The following RBMS3 variants were observed in gnomAD, a reference collection of about 807,000 sequenced individuals.
RBMS3 encodes RNA binding motif single stranded interacting protein 3.
A neutral mutation model predicts 66.8 loss-of-function variants in RBMS3; 27 were observed. That is an observed-to-expected ratio of 0.40 (90% CI 0.30 to 0.56). The LOEUF is 0.56. RBMS3 is among the 20% of genes least tolerant of loss of function. RBMS3 has a pLI of 0.40. For missense variants in RBMS3, 513 were observed against 549.5 expected, an observed-to-expected ratio of 0.93 and a Z score of 0.66; for synonymous variants, 188 against 183.0, an observed-to-expected ratio of 1.03 and a Z score of -0.22.
intron 4 of RBMS3, among the ~76,000 whole-genome samples, chr3:29,704,516 C>A (rs1559589008): frequency 6.6e-6 from 1 of 152,162 alleles, no homozygotes; most frequent in Non-Finnish European, 1.5e-5. Context: ...TTGGGCAAAT[C>A]ACTTAACCTC....
chr3:29,624,660 T>C (rs148292167), intron 4 of RBMS3, among the ~76,000 whole-genome samples: 1 of 152,302 alleles, frequency 6.6e-6, no homozygotes, highest in Non-Finnish European at 1.5e-5. Flanking sequence ...ATGTTTCTCA[T>C]AGTTATATAC....
intron 4 of RBMS3, among the ~76,000 whole-genome samples, chr3:29,639,558 A>G (rs2049609907): frequency 6.6e-6 from 1 of 151,012 alleles, no homozygotes. Context: ...GGCAAAAACC[A>G]GAATATACAC....
At chr3:29,358,606 G>A (rs1051074320) in intron 1 of RBMS3, among the ~76,000 whole-genome samples, 39 of 152,114 alleles carry the variant, frequency 2.6e-4, no homozygotes, top group African/African-American at 9.2e-4. Flanking sequence ...GCTTGATGGG[G>A]ATGGCATTGA....
intron 1 of RBMS3, among the ~76,000 whole-genome samples, chr3:29,346,579 T>C (rs952774517): frequency 2.0e-5 from 3 of 151,854 alleles, no homozygotes; most frequent in African/African-American, 7.3e-5. Flanking sequence ...AATTTTTGTA[T>C]TTTTAGTAGA....
At chr3:29,600,327 T>G (rs538775283) in intron 4 of RBMS3, among the ~76,000 whole-genome samples, 39 of 152,082 alleles carry the variant, frequency 2.6e-4, no homozygotes, top group African/African-American at 9.2e-4. Context: ...GGCTTGGTGC[T>G]CTCCTAACAG....
chr3:29,849,137 C>T (rs1034597384), intron 6 of RBMS3, among the ~76,000 whole-genome samples: 4 of 151,550 alleles, frequency 2.6e-5, no homozygotes, highest in Non-Finnish European at 4.4e-5. Context: ...TATGCACATA[C>T]AAATACACCA....
intron 13 of RBMS3, among the ~76,000 whole-genome samples, 168 bp downstream of exon 13, chr3:29,988,391 T>C (rs1042014147): frequency 6.6e-6 from 1 of 152,280 alleles, no homozygotes. Flanking sequence ...TGAATGTGGC[T>C]GTGTTTTGCT....
chr3:29,592,479 A>C (rs1462450949), intron 4 of RBMS3, among the ~76,000 whole-genome samples: 1 of 152,202 alleles, frequency 6.6e-6, no homozygotes. Context: ...CACCAGTTAG[A>C]ATGGCAATTA....
At chr3:29,781,786 G>A (rs1392960849) in intron 6 of RBMS3, among the ~76,000 whole-genome samples, 5 of 152,074 alleles carry the variant, frequency 3.3e-5, no homozygotes, top group Non-Finnish European at 4.4e-5. Flanking sequence ...CAGTGCTGTT[G>A]TGGGGGCACA....
chr3:29,758,441 C>G (rs949111770), intron 5 of RBMS3, among the ~76,000 whole-genome samples: 1 of 152,160 alleles, frequency 6.6e-6, no homozygotes, highest in Non-Finnish European at 1.5e-5. Context: ...TTATGTGACT[C>G]TCAAACTCTG....
At chr3:29,709,732 G>A (rs9862829) in intron 4 of RBMS3, among the ~76,000 whole-genome samples, 2 of 151,898 alleles carry the variant, frequency 1.3e-5, no homozygotes, top group East Asian at 3.9e-4. Context: ...TGAATGCAAA[G>A]GCCTATATAA....
rs151276643 is a variant in RBMS3 at position 29,991,293 on chromosome 3, C to T, written c.1307+84C>T. ...CTCATGTTGTATGTGTTAGCTTTTG[C>T]TGAAATATAAACCATCCCAAACTTA... On this transcript the variant is annotated intron_variant, in intron 14 of 14. Coordinates refer to ENST00000383767, the MANE Select transcript of RBMS3 (RefSeq NM_001003793.3). 67 of 1,585,668 alleles carry T rather than the reference C, an allele frequency of 4.2e-5. 2 individuals carry two copies. The South Asian group carries it at 7.2e-4, about 17-fold the overall frequency.
intron 4 of RBMS3, among the ~76,000 whole-genome samples, chr3:29,651,064 T>G (rs139153750): frequency 1.3e-5 from 2 of 152,204 alleles, no homozygotes; most frequent in Non-Finnish European, 2.9e-5. Context: ...ATTTATTACT[T>G]TATCAAACCA....
intron 6 of RBMS3, among the ~76,000 whole-genome samples, chr3:29,807,055 G>A (rs1033983247): frequency 5.3e-5 from 8 of 151,772 alleles, no homozygotes; most frequent in Non-Finnish European, 1.0e-4. Context: ...GAAAATATAT[G>A]CTTCAATTTA....
At chr3:29,517,040 G>A (rs1239857431) in intron 3 of RBMS3, among the ~76,000 whole-genome samples, 2 of 151,738 alleles carry the variant, frequency 1.3e-5, no homozygotes, top group Admixed American at 6.6e-5. Context: ...TAGTGAAACC[G>A]ATCTCTACTA....
At chr3:29,305,154 A>T (rs2033924908) in intron 1 of RBMS3, among the ~76,000 whole-genome samples, 1 of 151,860 alleles carries the variant, frequency 6.6e-6, no homozygotes, top group Non-Finnish European at 1.5e-5. Context: ...CCCAATCTTA[A>T]CATAGATGAT....
intron 1 of RBMS3, among the ~76,000 whole-genome samples, chr3:29,316,185 C>T (rs749699287): frequency 6.0e-4 from 91 of 151,694 alleles, no homozygotes; most frequent in Non-Finnish European, 6.8e-4. Context: ...AGATATCAGA[C>T]ATGTGACTCT....
At chr3:29,704,957 G>C (rs781565414) in intron 4 of RBMS3, among the ~76,000 whole-genome samples, 13 of 152,184 alleles carry the variant, frequency 8.5e-5, no homozygotes, top group Admixed American at 2.0e-4. Flanking sequence ...ATGTTGTCAA[G>C]ATATCTTGTC....
intron 4 of RBMS3, among the ~76,000 whole-genome samples, chr3:29,660,109 A>G (rs979066991): frequency 6.6e-5 from 10 of 152,116 alleles, no homozygotes; most frequent in Admixed American, 5.9e-4. Flanking sequence ...ATTTTTTTAT[A>G]ATTCCCTTTT....
Sources: allele counts gnomAD v4.1 joint callset (sites outside exome capture counted in the v4.1 genomes callset), GRCh38; gene constraint gnomAD v4.1.1; transcripts MANE v1.5; gene names NCBI Gene and HGNC (gene_info 2026-07-23, HGNC 2026-07-21).